The following ITGA8 variants were observed in gnomAD, a reference collection of about 807,000 sequenced individuals.
ITGA8 encodes the protein integrin alpha-8.
A neutral mutation model predicts 142.3 loss-of-function variants in ITGA8; 91 were observed. The ratio of observed to expected loss-of-function variants is 0.64; its 90% CI spans 0.54 to 0.76. ITGA8 has a LOEUF of 0.76. Among genes scored for constraint, ITGA8 ranks in the 30% least tolerant of loss-of-function variants. The pLI, the probability that ITGA8 is intolerant of heterozygous loss-of-function variation, is 0.00. For missense variants in ITGA8, 1,406 were observed against 1,327.7 expected (o/e 1.06, Z -0.92); for synonymous variants, 505 against 485.2 (o/e 1.04, Z -0.54).
Position 15,687,933 on chromosome 10 carries a change from C to T in ITGA8, c.444+5G>A. 1.3e-6 allele frequency: 2 copies of T among 1,580,950 alleles called. No homozygotes were observed. The highest frequency in any genetic ancestry group is 1.7e-6 in the Non-Finnish European group (2 of 1,149,788). On this transcript the variant is annotated splice_donor_5th_base_variant and intron_variant, in intron 3 of 29. Transcript: ENST00000378076. ...CAGCAGCACAAGCCCACGGCTCATA[C>T]TCACCACAACTTTTCCTTTGTGAGC...
intron 2 of ITGA8, among the ~76,000 whole-genome samples, chr10:15,708,955 T>C (rs1016580363): frequency 6.6e-6 from 1 of 152,114 alleles, no homozygotes; most frequent in Non-Finnish European, 1.5e-5. Context: ...GAGCAAGAAA[T>C]AAACCTTAGA....
In ITGA8 at chr10:15,649,615, C is replaced by CAAA. The variant is rs199606150; in HGVS notation, c.1002-2567_1002-2565dup. Reference sequence around the variant, plus strand: ...TAGATGGCAGAGTGAGACTCCGTCTCAAAAAAAAAAAAAAAAAATTGGGCA... The same window carrying CAAA: ...TAGATGGCAGAGTGAGACTCCGTCTCAAAAAAAAAAAAAAAAAAAAATTGGGCA... On this transcript the variant is annotated intron_variant, in intron 11 of 29. Coordinates refer to ENST00000378076, the MANE Select transcript of ITGA8 (RefSeq NM_003638.3). Among the ~76,000 whole-genome samples, 150 of 87,984 alleles carry CAAA rather than the reference C, an allele frequency of 1.7e-3. 2 individuals carry two copies. The highest frequency in any genetic ancestry group is 6.6e-3 in the African/African-American group (139 of 21,194). The allele number at this position is 87,984 out of a possible 152,430, so 57.7% of individuals were successfully genotyped here.
chr10:15,668,781 C>T (rs1564400552), intron 8 of ITGA8, among the ~76,000 whole-genome samples: 2 of 152,150 alleles, frequency 1.3e-5, no homozygotes, highest in Non-Finnish European at 2.9e-5. Flanking sequence ...ACTTCTGAAG[C>T]TTAGTTTGCC....
At position 15,607,664 on chromosome 10, in the gene ITGA8, C is replaced by T. The variant is rs1833219027; in HGVS notation, c.1764+13G>A. The T allele has an allele frequency of 6.2e-7, 1 of 1,612,904 alleles. No individual in the cohort carries two copies. Among genetic ancestry groups the T allele is most frequent in the African/African-American group, 1.3e-5 (1 of 74,890 alleles). On this transcript the variant is annotated intron_variant, in intron 17 of 29. Transcript: ENST00000378076. ...AAGGAGAGAGGCCAGAGAAGTCTTT[C>T]TGGAATACTTACTCGAAGGTAAACG...
chr10:15,586,725 A>G, intron 22 of ITGA8, 61 bp from the exon 23 acceptor site: 1 of 970,266 alleles, frequency 1.0e-6, no homozygotes, highest in Non-Finnish European at 1.7e-6. Flanking sequence ...ACAATATATG[A>G]TCATAAAAAA....
In ITGA8 at chr10:15,516,031, A is replaced by G. The variant is rs1196500299; in HGVS notation, c.*1127T>C. On this transcript the variant is annotated 3_prime_UTR_variant, in exon 30 of 30. Coordinates refer to ENST00000378076, the MANE Select transcript of ITGA8 (RefSeq NM_003638.3). The stretch of plus-strand genomic sequence containing the variant: ...TGTTTTTGTCTAAGTTATATTCAAC[A>G]TGTTTTCTCTGTGTATACAAGTACA... 8 of 152,194 alleles carry G rather than the reference A, an allele frequency of 5.3e-5. No homozygotes were observed. Among genetic ancestry groups the G allele is most frequent in the Non-Finnish European group, 5.9e-5 (4 of 68,028 alleles). The allele number at this position is 152,194 out of a possible 1,614,324, so 9.4% of individuals were successfully genotyped here. A position where few individuals can be genotyped will look rare whatever the true frequency, so the allele number is the denominator to read the frequency against.
intron 2 of ITGA8, among the ~76,000 whole-genome samples, chr10:15,708,451 A>T (rs769314006): frequency 2.0e-5 from 3 of 152,104 alleles, no homozygotes; most frequent in Non-Finnish European, 4.4e-5. Context: ...TAAACGTCTC[A>T]CTCATATCTT....
intron 13 of ITGA8, among the ~76,000 whole-genome samples, chr10:15,624,395 CA>C (rs1349774074): frequency 2.6e-5 from 4 of 152,196 alleles, no homozygotes; most frequent in Non-Finnish European, 4.4e-5. Context: ...GGCAAGAGCT[CA>C]GTAGCATTTG....
intron 23 of ITGA8, among the ~76,000 whole-genome samples, chr10:15,584,376 C>T (rs1233123001): frequency 6.6e-6 from 1 of 152,056 alleles, no homozygotes; most frequent in African/African-American, 2.4e-5. Context: ...AATAAAGAGT[C>T]AACAAAGATT....
In ITGA8 at chr10:15,684,205, T is replaced by A. The variant is rs1430868918; in HGVS notation, c.445-78A>T. On this transcript the variant is annotated intron_variant, in intron 3 of 29. Transcript: ENST00000378076. The stretch of plus-strand genomic sequence containing the variant: ...TACAGTTTTATTTGAATTATTGGTA[T>A]AACAAACTGTTAAATTATTGGGTGA... 6 of 1,436,652 alleles carry A rather than the reference T, an allele frequency of 4.2e-6. No homozygotes were observed. The African/African-American group carries it at 4.3e-5, about 10-fold the overall frequency. 89.0% of individuals were successfully genotyped at this position (1,436,652 alleles called of 1,614,324 possible).
chr10:15,621,342 CA>C (rs1420686548), intron 13 of ITGA8, among the ~76,000 whole-genome samples: 1 of 150,592 alleles, frequency 6.6e-6, no homozygotes, highest in Non-Finnish European at 1.5e-5. Context: ...TTTAAGGAAA[CA>C]AAAAGGGGAC....
intron 13 of ITGA8, among the ~76,000 whole-genome samples, chr10:15,631,718 GA>G (rs112308190): frequency 0.046 from 5,360 of 116,736 alleles, 296 homozygotes; most frequent in African/African-American, 0.14. Flanking sequence ...AGTATATTAA[GA>G]AAAAAAAAAA....
intron 4 of ITGA8, among the ~76,000 whole-genome samples, chr10:15,679,363 T>A (rs1349708903): frequency 2.0e-5 from 3 of 152,124 alleles, no homozygotes; most frequent in Admixed American, 2.0e-4. Context: ...GGTGCGCAGA[T>A]CATGAGGTCA....
At chr10:15,672,085 C>T (rs1286110165) in intron 7 of ITGA8, among the ~76,000 whole-genome samples, 1 of 152,142 alleles carries the variant, frequency 6.6e-6, no homozygotes, top group Non-Finnish European at 1.5e-5. Flanking sequence ...TTCCTAATAC[C>T]TCATGATGGT....
chr10:15,528,569 C>T (rs1194320156), intron 28 of ITGA8, among the ~76,000 whole-genome samples: 1 of 135,050 alleles, frequency 7.4e-6, no homozygotes, highest in Non-Finnish European at 1.5e-5. Flanking sequence ...AAGCATGTAT[C>T]GGATTATTTT....
At chr10:15,671,463 A>G (rs1452571356) in intron 8 of ITGA8, 140 bp downstream of exon 8, 2 of 600,324 alleles carry the variant, frequency 3.3e-6, no homozygotes, top group Non-Finnish European at 5.9e-6. Context: ...TATTTTTTCT[A>G]CAAAGTATAG....
In ITGA8 at chr10:15,646,880, T is replaced by C; in HGVS notation, c.1173A>G (p.Ala391=). The change falls in exon 12 of 30, where the codon GCA becomes GCG. Residue 391 remains alanine (A), a synonymous_variant. Transcript: ENST00000378076. ...CATCTTGGTTCAGGTCTCCTAAGTGTGCCATAGCACTACCGAATCTCCCAA... is the reference window on the plus strand; with the variant it reads ...CATCTTGGTTCAGGTCTCCTAAGTGCGCCATAGCACTACCGAATCTCCCAA... ...ETFGRFGSAM[A]HLGDLNQDGY... The C allele has an allele frequency of 6.2e-7, 1 of 1,614,056 alleles. No individual in the cohort carries two copies. The highest frequency in any genetic ancestry group is 8.5e-7 in the Non-Finnish European group (1 of 1,180,012).
At chr10:15,646,575 A>G in intron 12 of ITGA8, among the ~76,000 whole-genome samples, 1 of 152,194 alleles carries the variant, frequency 6.6e-6, no homozygotes, top group Admixed American at 6.5e-5. Context: ...GAAACAAATT[A>G]TGTTACAGAT....
At chr10:15,649,044 G>A (rs892719488) in intron 11 of ITGA8, among the ~76,000 whole-genome samples, 6 of 152,122 alleles carry the variant, frequency 3.9e-5, no homozygotes, top group Non-Finnish European at 7.3e-5. Flanking sequence ...GGAGGAGATG[G>A]CATTAGACCT....
Sources: allele counts gnomAD v4.1 joint callset (sites outside exome capture counted in the v4.1 genomes callset), GRCh38; gene constraint gnomAD v4.1.1; transcripts MANE v1.5; gene names NCBI Gene and HGNC (gene_info 2026-07-23, HGNC 2026-07-21).